Variants in ACOT7 observed in about 807,000 individuals in gnomAD.
The protein encoded by ACOT7 is cytosolic acyl coenzyme A thioester hydrolase.
ACOT7 carries 12 observed loss-of-function variants against 40.2 expected under a neutral mutation model. That is an observed-to-expected ratio of 0.30 (90% CI 0.19 to 0.48). The LOEUF (loss-of-function observed/expected upper bound fraction) is 0.48, where lower values mean the gene tolerates loss of function less well. ACOT7 is among the 20% of genes least tolerant of loss of function. The pLI is 0.99. For missense variants in ACOT7, 395 were observed against 530.8 expected, an observed-to-expected ratio of 0.74 and a Z score of 2.51; for synonymous variants, 228 against 219.5, an observed-to-expected ratio of 1.04 and a Z score of -0.34.
intron 8 of ACOT7, among the ~76,000 whole-genome samples, chr1:6,277,070 G>A (rs541155553): frequency 3.9e-5 from 6 of 152,272 alleles, no homozygotes; most frequent in East Asian, 1.9e-4. Context: ...TCACAGGCGC[G>A]GCCCCAAAAG....
At chr1:6,370,879 C>A (rs112771676) in intron 1 of ACOT7, among the ~76,000 whole-genome samples, 1 of 151,656 alleles carries the variant, frequency 6.6e-6, no homozygotes, top group African/African-American at 2.4e-5. Flanking sequence ...GGTGCGATCT[C>A]GGCTCACTGC....
At chr1:6,273,713 CAAAG>C (rs991517113) in intron 8 of ACOT7, among the ~76,000 whole-genome samples, 3 of 152,268 alleles carry the variant, frequency 2.0e-5, no homozygotes, top group Admixed American at 1.3e-4. Flanking sequence ...GCCAAACAAA[CAAAG>C]GAAGCCAGTG....
chr1:6,347,108 G>T (rs948915829), intron 2 of ACOT7, among the ~76,000 whole-genome samples: 4 of 152,146 alleles, frequency 2.6e-5, no homozygotes, highest in Non-Finnish European at 5.9e-5. Flanking sequence ...CACCAGGGGA[G>T]TGTGGATGCG....
chr1:6,353,981 G>A (rs111765529), intron 1 of ACOT7, among the ~76,000 whole-genome samples: 4 of 152,138 alleles, frequency 2.6e-5, no homozygotes, highest in African/African-American at 7.2e-5. Context: ...CCAGTGACCC[G>A]GGCTGACTGC....
chr1:6,347,793 G>A (rs1641474299), intron 2 of ACOT7, among the ~76,000 whole-genome samples: 1 of 151,740 alleles, frequency 6.6e-6, no homozygotes, highest in Admixed American at 6.6e-5. Flanking sequence ...GACAAGAACA[G>A]CTGCCTCTCC....
chr1:6,289,006 G>A lies in ACOT7; in HGVS notation c.829+5858C>T, dbSNP rs889061726. On this transcript the variant is annotated intron_variant, in intron 7 of 8. Coordinates refer to ENST00000361521, the MANE Select transcript of ACOT7 (RefSeq NM_007274.4). This position sits in a 1 kb window ranked among gnomAD's most constrained non-coding sequence, Gnocchi z 4.6. ...GGAGGCAGTTTTACGGGAGGCTGAA[G>A]GAGAGAAAGCAAAGCACTTCCTGCC... Among the ~76,000 whole-genome samples, 1 of 152,222 alleles carries A rather than the reference G, an allele frequency of 6.6e-6. No individual in the cohort carries two copies. Among genetic ancestry groups the A allele is most frequent in the Admixed American group, 6.5e-5 (1 of 15,288 alleles).
rs1571259372 is a variant in ACOT7, at chr1:6,274,026, G to A, written c.1014+7076C>T. ...TCCGGCCTGGACACGGTCAGGAATGGCCACCTCTGCTCCTGAGGCTTCTTC... is the reference window on the plus strand; with the variant it reads ...TCCGGCCTGGACACGGTCAGGAATGACCACCTCTGCTCCTGAGGCTTCTTC... On this transcript the variant is annotated intron_variant, in intron 8 of 8. Transcript: ENST00000361521. This position sits in a 1 kb window ranked among gnomAD's most constrained non-coding sequence, Gnocchi z 5.9. Among the ~76,000 whole-genome samples the A allele has an allele frequency of 6.6e-6, 1 of 152,188 alleles. No individual in the cohort carries two copies. The highest frequency in any genetic ancestry group is 1.9e-4 in the East Asian group (1 of 5,188).
At chr1:6,347,196 C>T (rs997300287) in intron 2 of ACOT7, among the ~76,000 whole-genome samples, 2 of 152,174 alleles carry the variant, frequency 1.3e-5, no homozygotes, top group African/African-American at 4.8e-5. Flanking sequence ...CGCCCTGGGG[C>T]TGCCTGGAAC....
Position 6,355,129 on chromosome 1 carries a change from G to A in ACOT7, c.144-5263C>T, listed in dbSNP as rs540303107. ...GCAGGCACGCCTGGCCCTTCCCACC[G>A]TTCTACCTGTCCCAGCAACGCCTGA... On this transcript the variant is annotated intron_variant, in intron 1 of 8. Coordinates refer to ENST00000361521, the MANE Select transcript of ACOT7 (RefSeq NM_007274.4). This position sits in a 1 kb window ranked among gnomAD's most constrained non-coding sequence, Gnocchi z 5.0. 6.4e-4 allele frequency among the ~76,000 whole-genome samples: 97 copies of A among 152,180 alleles called. 1 individual carries two copies. The highest frequency in any genetic ancestry group is 1.2e-3 in the Non-Finnish European group (80 of 67,998).
chr1:6,391,650 G>C (rs1642535323), intron 1 of ACOT7, among the ~76,000 whole-genome samples: 1 of 152,204 alleles, frequency 6.6e-6, no homozygotes. Context: ...ATTCAGGAGA[G>C]GGGTGGGAAG....
Position 6,279,000 on chromosome 1 carries a change from TG to T in ACOT7, c.1014+2101del, listed in dbSNP as rs1363019907. Among the ~76,000 whole-genome samples, 2 of 151,322 alleles carry T rather than the reference TG, an allele frequency of 1.3e-5. No homozygotes were observed. The highest frequency in any genetic ancestry group is 3.0e-5 in the Non-Finnish European group (2 of 67,788). ...GCTTCGGAAATGTGCCTGGGTCAGGTGGGGGATTCAGCATCAGGACAGACAG... is the reference window on the plus strand; with the variant it reads ...GCTTCGGAAATGTGCCTGGGTCAGGTGGGGATTCAGCATCAGGACAGACAG... On this transcript the variant is annotated intron_variant, in intron 8 of 8. Coordinates refer to ENST00000361521, the MANE Select transcript of ACOT7 (RefSeq NM_007274.4). This position sits in a 1 kb window ranked among gnomAD's most constrained non-coding sequence, Gnocchi z 4.1.
chr1:6,309,149 A>G (rs985234008), intron 6 of ACOT7, among the ~76,000 whole-genome samples: 1 of 152,210 alleles, frequency 6.6e-6, no homozygotes, highest in African/African-American at 2.4e-5. Context: ...GCAGAGGCCG[A>G]GTCATCCCAG....
At position 6,358,973 on chromosome 1, in the gene ACOT7, C is replaced by A. The variant is rs1010696290; in HGVS notation, c.144-9107G>T. Reference sequence around the variant, plus strand: ...ACCGGGCTTGGTGGGGAGCACCCCCCACCCCCAGCTTCCTGAGCTGCCCAA... The same window carrying A: ...ACCGGGCTTGGTGGGGAGCACCCCCAACCCCCAGCTTCCTGAGCTGCCCAA... On this transcript the variant is annotated intron_variant, in intron 1 of 8. Coordinates refer to ENST00000361521, the MANE Select transcript of ACOT7 (RefSeq NM_007274.4). The surrounding 1 kb of genome is among the most constrained non-coding windows in gnomAD (Gnocchi z 4.1). 10 of 1,464,380 alleles carry A rather than the reference C, an allele frequency of 6.8e-6. No individual in the cohort carries two copies. In the African/African-American group the frequency reaches 7.1e-5, roughly 10 times the overall value. 90.7% of individuals were successfully genotyped at this position (1,464,380 alleles called of 1,614,324 possible). A position where few individuals can be genotyped will look rare whatever the true frequency, so the allele number is the denominator to read the frequency against.
chr1:6,272,001 C>A (rs548289882), intron 8 of ACOT7, among the ~76,000 whole-genome samples: 14 of 152,400 alleles, frequency 9.2e-5, no homozygotes, highest in Non-Finnish European at 1.9e-4. Context: ...GCTCGGCTCA[C>A]AGCTCTTGTG....
At chr1:6,280,319 G>T (rs904882933) in intron 8 of ACOT7, among the ~76,000 whole-genome samples, 3 of 152,250 alleles carry the variant, frequency 2.0e-5, no homozygotes, top group Non-Finnish European at 4.4e-5. Flanking sequence ...CAGAGCCCCT[G>T]GGGTCAGCCA....
chr1:6,294,801 G>A lies in ACOT7; in HGVS notation c.829+63C>T. ...CCTGGGTGTGAACAGAAAACAAACTGGTGCAGGGACCCAAGCAGCCGAGGG... is the reference window on the plus strand; with the variant it reads ...CCTGGGTGTGAACAGAAAACAAACTAGTGCAGGGACCCAAGCAGCCGAGGG... On this transcript the variant is annotated intron_variant, in intron 7 of 8. Coordinates refer to ENST00000361521, the MANE Select transcript of ACOT7 (RefSeq NM_007274.4). The surrounding 1 kb of genome is among the most constrained non-coding windows in gnomAD (Gnocchi z 4.6). 1 of 1,362,566 alleles carries A rather than the reference G, an allele frequency of 7.3e-7. No homozygotes were observed. The highest frequency in any genetic ancestry group is 1.4e-5 in the African/African-American group (1 of 69,956). The allele number at this position is 1,362,566 out of a possible 1,614,324, so 84.4% of individuals were successfully genotyped here.
At chr1:6,393,191 G>T (rs1642563683) in intron 1 of ACOT7, 66 bp downstream of exon 1, 8 of 1,220,102 alleles carry the variant, frequency 6.6e-6, no homozygotes, top group Non-Finnish European at 8.2e-6. Flanking sequence ...AGAGCCAAGC[G>T]GGGCAGGCCT....
chr1:6,372,314 G>A (rs1642146232), intron 1 of ACOT7, among the ~76,000 whole-genome samples: 1 of 152,202 alleles, frequency 6.6e-6, no homozygotes, highest in Non-Finnish European at 1.5e-5. Flanking sequence ...TTAAGGGAAT[G>A]TTGTGGCTGA....
intron 1 of ACOT7, among the ~76,000 whole-genome samples, chr1:6,369,586 CT>C (rs200546207): frequency 2.1e-5 from 3 of 146,118 alleles, no homozygotes; most frequent in African/African-American, 7.6e-5. Flanking sequence ...TCTTTTTTTT[CT>C]TTTTTTTTGG....
Sources: allele counts gnomAD v4.1 joint callset (sites outside exome capture counted in the v4.1 genomes callset), GRCh38; gene constraint gnomAD v4.1.1; non-coding constraint Gnocchi (gnomAD v3.1); transcripts MANE v1.5; gene names NCBI Gene and HGNC (gene_info 2026-07-23, HGNC 2026-07-21).